LRRTM4: variants seen among roughly 807,000 people sequenced by gnomAD.
LRRTM4 encodes leucine-rich repeat transmembrane neuronal protein 4.
LRRTM4 carries 25 observed loss-of-function variants against 47.6 expected under a neutral mutation model. The observed-to-expected ratio is 0.53, with a 90% CI of 0.38 to 0.73. The LOEUF (loss-of-function observed/expected upper bound fraction) is 0.73. Among genes scored for constraint, LRRTM4 ranks in the 30% least tolerant of loss-of-function variants. The pLI, the probability that LRRTM4 is intolerant of heterozygous loss-of-function variation, is 0.00. For synonymous variants in LRRTM4, 311 were observed against 269.5 expected (o/e 1.15, Z -1.51); for missense variants, 638 against 713.4 (o/e 0.89, Z 1.20).
chr2:77,080,921 C>T (rs1181437486), intron 3 of LRRTM4, among the ~76,000 whole-genome samples: 5 of 152,134 alleles, frequency 3.3e-5, no homozygotes, highest in African/African-American at 9.7e-5. Flanking sequence ...TCTCCAGCTT[C>T]AGGGCTTTTG....
intron 3 of LRRTM4, among the ~76,000 whole-genome samples, chr2:77,029,578 G>C (rs1678579967): frequency 6.6e-6 from 1 of 152,110 alleles, no homozygotes; most frequent in Admixed American, 6.6e-5. Flanking sequence ...CACCCTCAGA[G>C]ACACACTCAG....
chr2:77,429,400 C>G (rs1171625539), intron 3 of LRRTM4, among the ~76,000 whole-genome samples: 1 of 152,014 alleles, frequency 6.6e-6, no homozygotes, highest in Non-Finnish European at 1.5e-5. Context: ...CTCCTGCACT[C>G]CCATGATTTT....
chr2:77,159,485 A>C (rs1672650678), intron 3 of LRRTM4, among the ~76,000 whole-genome samples: 1 of 151,568 alleles, frequency 6.6e-6, no homozygotes, highest in African/African-American at 2.4e-5. Context: ...ACAAACCTGC[A>C]TGTTGTGCAC....
At chr2:76,846,704 C>G (rs1361214760) in intron 3 of LRRTM4, among the ~76,000 whole-genome samples, 1 of 152,062 alleles carries the variant, frequency 6.6e-6, no homozygotes. Flanking sequence ...GTTAGAACAT[C>G]TGGTTGGTTT....
chr2:77,029,052 AATAT>A (rs1182040448), intron 3 of LRRTM4, among the ~76,000 whole-genome samples: 5 of 140,640 alleles, frequency 3.6e-5, no homozygotes, highest in South Asian at 2.5e-4. Flanking sequence ...CACACACACA[AATAT>A]ATATATATAT....
At chr2:76,961,921 G>T (rs986086619) in intron 3 of LRRTM4, among the ~76,000 whole-genome samples, 3 of 151,306 alleles carry the variant, frequency 2.0e-5, no homozygotes, top group Admixed American at 1.3e-4. Context: ...GAACTTGGGT[G>T]ATCTTTGCAA....
intron 3 of LRRTM4, among the ~76,000 whole-genome samples, chr2:77,439,151 T>C (rs1675731878): frequency 1.3e-5 from 2 of 152,160 alleles, no homozygotes; most frequent in Non-Finnish European, 2.9e-5. Flanking sequence ...CATTACCCTT[T>C]CAAGCCTAAG....
At chr2:77,178,079 C>T (rs994430284) in intron 3 of LRRTM4, among the ~76,000 whole-genome samples, 1 of 152,102 alleles carries the variant, frequency 6.6e-6, no homozygotes, top group African/African-American at 2.4e-5. Context: ...AGCAAGTGCT[C>T]AAAAGATGTC....
intron 3 of LRRTM4, among the ~76,000 whole-genome samples, chr2:77,212,751 G>A (rs1258367224): frequency 6.6e-6 from 1 of 151,904 alleles, no homozygotes; most frequent in Admixed American, 6.6e-5. Flanking sequence ...CAAAACCTCT[G>A]AGGCAGTTAA....
chr2:77,196,373 T>C (rs1264957796), intron 3 of LRRTM4, among the ~76,000 whole-genome samples: 2 of 152,156 alleles, frequency 1.3e-5, no homozygotes, highest in African/African-American at 4.8e-5. Context: ...AAGGGCACTA[T>C]GAGAACATTG....
At chr2:77,351,793 C>G (rs1017690005) in intron 3 of LRRTM4, among the ~76,000 whole-genome samples, 13 of 151,726 alleles carry the variant, frequency 8.6e-5, no homozygotes, top group Non-Finnish European at 1.5e-5. Flanking sequence ...AAATGAGGAA[C>G]AAAAAGATCA....
intron 3 of LRRTM4, among the ~76,000 whole-genome samples, chr2:76,885,590 G>A (rs1673049648): frequency 6.6e-6 from 1 of 151,526 alleles, no homozygotes; most frequent in Non-Finnish European, 1.5e-5. Context: ...AGCCTCCTGA[G>A]TAGCTGGGAC....
At chr2:77,367,574 G>C (rs1672509268) in intron 3 of LRRTM4, among the ~76,000 whole-genome samples, 1 of 151,528 alleles carries the variant, frequency 6.6e-6, no homozygotes. Flanking sequence ...CTTTACTCTT[G>C]GAAACTGTGT....
intron 3 of LRRTM4, among the ~76,000 whole-genome samples, chr2:76,753,878 C>A (rs1672936118): frequency 6.6e-6 from 1 of 151,992 alleles, no homozygotes; most frequent in Non-Finnish European, 1.5e-5. Flanking sequence ...ATATTGTGAC[C>A]CTCTTTTCTC....
intron 3 of LRRTM4, among the ~76,000 whole-genome samples, chr2:77,385,747 T>C (rs2103802235): frequency 7.4e-6 from 1 of 134,498 alleles, no homozygotes; most frequent in Non-Finnish European, 1.6e-5. Flanking sequence ...GGTACTTTTT[T>C]TTTTTTTTTT....
intron 3 of LRRTM4, among the ~76,000 whole-genome samples, chr2:76,828,687 A>G (rs1671252258): frequency 1.3e-5 from 2 of 151,908 alleles, no homozygotes; most frequent in Admixed American, 6.6e-5. Context: ...TTGAAAAGGC[A>G]CTTTAATTAA....
At chr2:77,145,490 T>G (rs1672232909) in intron 3 of LRRTM4, among the ~76,000 whole-genome samples, 1 of 151,756 alleles carries the variant, frequency 6.6e-6, no homozygotes, top group African/African-American at 2.4e-5. Context: ...TGTATGTGGC[T>G]GGGCATGGTA....
intron 3 of LRRTM4, among the ~76,000 whole-genome samples, chr2:76,972,463 G>A (rs890100525): frequency 7.2e-6 from 1 of 139,506 alleles, no homozygotes; most frequent in African/African-American, 2.7e-5. Flanking sequence ...TATTGCCCAG[G>A]ATGGAGTGCA....
intron 3 of LRRTM4, among the ~76,000 whole-genome samples, chr2:77,454,168 G>A (rs1038511807): frequency 3.9e-5 from 6 of 152,116 alleles, no homozygotes; most frequent in African/African-American, 1.4e-4. Context: ...TATTAAAGCA[G>A]AAATTCATGA....
Sources: gnomAD v4.1 joint callset for allele counts (sites outside exome capture counted in the v4.1 genomes callset) on GRCh38, gnomAD v4.1.1 for gene constraint, MANE v1.5 for transcripts, NCBI Gene and HGNC (gene_info 2026-07-23, HGNC 2026-07-21) for gene names.